Variants in MRPS27 observed in about 807,000 individuals in gnomAD.
MRPS27 encodes the protein small ribosomal subunit protein mS27.
Under a neutral mutation model 48.9 loss-of-function variants are expected in MRPS27, and 43 were observed. The observed-to-expected ratio is 0.88, with a 90% CI of 0.69 to 1.13. The LOEUF is 1.13. Ranked by LOEUF, MRPS27 falls within the 50% of genes most tolerant of loss-of-function variation. The probability of loss-of-function intolerance (pLI) is 0.00; values close to 1 mark genes in which losing one functional copy is unlikely to be tolerated. For missense variants in MRPS27, 467 were observed against 476.3 expected (o/e 0.98, Z 0.18); for synonymous variants, 188 against 171.9 (o/e 1.09, Z -0.73).
At chr5:72,238,786 AG>A (rs1375145542) in intron 4 of MRPS27, among the ~76,000 whole-genome samples, 28 of 152,226 alleles carry the variant, frequency 1.8e-4, no homozygotes, top group African/African-American at 6.8e-4. Flanking sequence ...GAAGCAGCCC[AG>A]GATGAGTTAT....
chr5:72,219,785 G>C lies in MRPS27; in HGVS notation c.*1124C>G, dbSNP rs901614679. 5 of 152,164 alleles carry C rather than the reference G, an allele frequency of 3.3e-5. No individual in the cohort carries two copies. The highest frequency in any genetic ancestry group is 5.9e-5 in the Non-Finnish European group (4 of 68,046). The allele number at this position is 152,164 out of a possible 1,614,324, so 9.4% of individuals were successfully genotyped here. On this transcript the variant is annotated 3_prime_UTR_variant, in exon 11 of 11. Transcript: ENST00000261413. ...AGAAATGTGTGTTCACAAGTTGTGT[G>C]TGCATGCACATGTGCCTCTGTGTGT...
At chr5:72,239,577 T>C (rs955092063) in intron 4 of MRPS27, among the ~76,000 whole-genome samples, 2 of 152,208 alleles carry the variant, frequency 1.3e-5, no homozygotes, top group African/African-American at 2.4e-5. Flanking sequence ...AAAGGCATGG[T>C]ATAGGGGACC....
At chr5:72,293,110 G>A (rs1439364584) in intron 4 of MRPS27, among the ~76,000 whole-genome samples, 1 of 152,142 alleles carries the variant, frequency 6.6e-6, no homozygotes, top group Non-Finnish European at 1.5e-5. Flanking sequence ...TTTATAACTT[G>A]TAATTTTTAA....
chr5:72,295,063 G>A (rs900888922), intron 4 of MRPS27, among the ~76,000 whole-genome samples: 1 of 152,028 alleles, frequency 6.6e-6, no homozygotes, highest in Non-Finnish European at 1.5e-5. Flanking sequence ...GTGTGTGTGT[G>A]TATAAATTTT....
At chr5:72,249,845 G>A (rs1261732499) in intron 4 of MRPS27, among the ~76,000 whole-genome samples, 1 of 151,946 alleles carries the variant, frequency 6.6e-6, no homozygotes, top group Non-Finnish European at 1.5e-5. Flanking sequence ...TTAGCCGAGT[G>A]TGGTGGCAGC....
chr5:72,282,429 A>C (rs1377337101), intron 4 of MRPS27, among the ~76,000 whole-genome samples: 1 of 152,124 alleles, frequency 6.6e-6, no homozygotes, highest in Non-Finnish European at 1.5e-5. Flanking sequence ...ATATAAAACT[A>C]TATTTTAGTT....
intron 4 of MRPS27, among the ~76,000 whole-genome samples, chr5:72,248,666 AT>A (rs1193963033): frequency 1.8e-5 from 2 of 109,388 alleles, no homozygotes; most frequent in Non-Finnish European, 1.7e-5. Flanking sequence ...CACCATTTTC[AT>A]TTAAAAAAAA....
intron 3 of MRPS27, 31 bp from the exon 4 acceptor site, chr5:72,295,620 A>T: frequency 2.6e-6 from 4 of 1,542,194 alleles, no homozygotes; most frequent in Non-Finnish European, 3.6e-6. Flanking sequence ...CCTTTGGTTG[A>T]ATATAAATTA....
chr5:72,223,158 C>G (rs898266712), intron 10 of MRPS27, among the ~76,000 whole-genome samples: 1 of 152,198 alleles, frequency 6.6e-6, no homozygotes, highest in East Asian at 1.9e-4. Flanking sequence ...GTGCTCAGGG[C>G]TGTTCTGGAA....
At chr5:72,249,982 T>C (rs1748616245) in intron 4 of MRPS27, among the ~76,000 whole-genome samples, 1 of 151,924 alleles carries the variant, frequency 6.6e-6, no homozygotes, top group Non-Finnish European at 1.5e-5. Context: ...AGACTCCATC[T>C]CAAAAACAAA....
intron 1 of MRPS27, among the ~76,000 whole-genome samples, chr5:72,317,583 G>T (rs748226229): frequency 2.6e-5 from 4 of 152,136 alleles, no homozygotes; most frequent in Non-Finnish European, 5.9e-5. Flanking sequence ...TCTCCATGTT[G>T]GCCAGGCTGG....
At chr5:72,253,789 T>C (rs1184787257) in intron 4 of MRPS27, among the ~76,000 whole-genome samples, 1 of 152,240 alleles carries the variant, frequency 6.6e-6, no homozygotes, top group African/African-American at 2.4e-5. Flanking sequence ...TGTTAAGATG[T>C]AGTCTTTAAA....
chr5:72,246,737 G>A (rs890855514), intron 4 of MRPS27, among the ~76,000 whole-genome samples: 3 of 152,136 alleles, frequency 2.0e-5, no homozygotes, highest in South Asian at 2.1e-4. Context: ...GTAAAATTAT[G>A]TAATCTAATT....
chr5:72,314,420 C>T, intron 1 of MRPS27: 1 of 274,380 alleles, frequency 3.6e-6, no homozygotes, highest in East Asian at 7.0e-5. Context: ...TGCTATAATG[C>T]CCAGGCTGGA....
chr5:72,250,584 C>T (rs977213663), intron 4 of MRPS27, among the ~76,000 whole-genome samples: 5 of 152,098 alleles, frequency 3.3e-5, no homozygotes, highest in African/African-American at 1.2e-4. Flanking sequence ...AGAACCCAGC[C>T]CCGACTCACT....
intron 4 of MRPS27, among the ~76,000 whole-genome samples, chr5:72,246,149 T>A (rs1431249369): frequency 2.0e-5 from 3 of 152,218 alleles, no homozygotes; most frequent in Non-Finnish European, 4.4e-5. Context: ...CAACAGTGAC[T>A]CGGCCTGCTA....
chr5:72,314,279 A>G, intron 1 of MRPS27, 121 bp from the exon 2 acceptor site: 2 of 645,632 alleles, frequency 3.1e-6, no homozygotes, highest in Non-Finnish European at 5.1e-6. Context: ...AAATAATCTA[A>G]TACAGTACAG....
At chr5:72,263,618 A>T (rs948959767) in intron 4 of MRPS27, among the ~76,000 whole-genome samples, 1 of 151,738 alleles carries the variant, frequency 6.6e-6, no homozygotes, top group Non-Finnish European at 1.5e-5. Context: ...TCTCCAAAGA[A>T]GATAAACAAC....
At chr5:72,228,088 C>G in intron 8 of MRPS27, 178 bp downstream of exon 8, 1 of 593,326 alleles carries the variant, frequency 1.7e-6, no homozygotes, top group South Asian at 2.3e-5. Flanking sequence ...TTTAAGAACC[C>G]TCTTTACTCT....
Sources: allele counts gnomAD v4.1 joint callset (sites outside exome capture counted in the v4.1 genomes callset), GRCh38; gene constraint gnomAD v4.1.1; transcripts MANE v1.5; gene names NCBI Gene and HGNC (gene_info 2026-07-23, HGNC 2026-07-21).